Variants in ABL2 observed in about 807,000 individuals in gnomAD.
ABL2 encodes tyrosine-protein kinase ABL2.
ABL2 carries 49 observed loss-of-function variants against 107.7 expected under a neutral mutation model. The observed-to-expected ratio is 0.45, with a 90% CI of 0.36 to 0.58. The LOEUF (loss-of-function observed/expected upper bound fraction) is 0.58. Ranked by LOEUF, ABL2 falls within the 20% of genes least tolerant of loss-of-function variation. The pLI is 0.00. For missense variants in ABL2, 1,245 were observed against 1,457.0 expected (o/e 0.85, Z 2.37); for synonymous variants, 549 against 548.6 (o/e 1.00, Z -0.01).
At chr1:179,227,748 C>T (rs560402983) in intron 1 of ABL2, among the ~76,000 whole-genome samples, 2 of 152,228 alleles carry the variant, frequency 1.3e-5, no homozygotes, top group South Asian at 4.1e-4. Flanking sequence ...GACACTCAAG[C>T]ACATCTTCAA....
chr1:179,160,153 T>C (rs1459090009), intron 1 of ABL2, among the ~76,000 whole-genome samples: 1 of 152,136 alleles, frequency 6.6e-6, no homozygotes, highest in East Asian at 1.9e-4. Context: ...GTATTTTATA[T>C]AACTTGTATA....
intron 1 of ABL2, among the ~76,000 whole-genome samples, chr1:179,168,844 A>G (rs939628132): frequency 6.6e-6 from 1 of 152,232 alleles, no homozygotes; most frequent in Non-Finnish European, 1.5e-5. Context: ...ATGACTTCGT[A>G]GTCCAATTTC....
chr1:179,152,777 A>C (rs901921794), intron 1 of ABL2, among the ~76,000 whole-genome samples: 1 of 152,216 alleles, frequency 6.6e-6, no homozygotes, highest in Non-Finnish European at 1.5e-5. Flanking sequence ...AGAATAACTA[A>C]AAGTCTGCTG....
intron 1 of ABL2, among the ~76,000 whole-genome samples, chr1:179,168,813 T>C (rs977637607): frequency 6.6e-6 from 1 of 152,222 alleles, no homozygotes; most frequent in Non-Finnish European, 1.5e-5. Flanking sequence ...ATAAGGACAC[T>C]GCTATATGAC....
At chr1:179,185,397 A>G (rs1221597325) in intron 1 of ABL2, among the ~76,000 whole-genome samples, 1 of 152,130 alleles carries the variant, frequency 6.6e-6, no homozygotes, top group East Asian at 1.9e-4. Flanking sequence ...AACCTGTAGT[A>G]TCTTATGTGG....
At chr1:179,117,302 GAC>G in intron 8 of ABL2, 28 bp downstream of exon 8, 1 of 1,595,496 alleles carries the variant, frequency 6.3e-7, no homozygotes, top group Non-Finnish European at 8.6e-7. Flanking sequence ...AAAATAAAAT[GAC>G]ACAGAAAAAA....
chr1:179,202,330 G>A (rs988367005), intron 1 of ABL2, among the ~76,000 whole-genome samples: 3 of 152,086 alleles, frequency 2.0e-5, no homozygotes, highest in Non-Finnish European at 4.4e-5. Flanking sequence ...CTAAAAACTA[G>A]TCAGGAAACC....
chr1:179,173,203 A>C (rs1192377308), intron 1 of ABL2, among the ~76,000 whole-genome samples: 1 of 150,320 alleles, frequency 6.7e-6, no homozygotes, highest in Non-Finnish European at 1.5e-5. Flanking sequence ...AAAAAAAAAA[A>C]CAACAACAGA....
chr1:179,226,402 G>A (rs1443762405), intron 1 of ABL2, among the ~76,000 whole-genome samples: 2 of 146,738 alleles, frequency 1.4e-5, no homozygotes, highest in African/African-American at 5.1e-5. Context: ...TCCACCTCCC[G>A]GGTTCAAGCG....
At chr1:179,151,516 A>G (rs953677770) in intron 1 of ABL2, among the ~76,000 whole-genome samples, 4 of 152,210 alleles carry the variant, frequency 2.6e-5, no homozygotes, top group African/African-American at 9.6e-5. Context: ...TTCTGTAGGT[A>G]CAGAATCAAT....
intron 1 of ABL2, among the ~76,000 whole-genome samples, chr1:179,214,050 G>C (rs1324183962): frequency 6.6e-6 from 1 of 152,038 alleles, no homozygotes. Flanking sequence ...ACTCAAGATG[G>C]ACATACAAAA....
intron 1 of ABL2, among the ~76,000 whole-genome samples, chr1:179,145,990 T>C (rs1657962718): frequency 6.6e-6 from 1 of 150,984 alleles, no homozygotes; most frequent in Non-Finnish European, 1.5e-5. Flanking sequence ...ACCTCCCAGG[T>C]TCAAGCGATT....
chr1:179,115,036 T>C lies in ABL2; in HGVS notation c.1409-6A>G, dbSNP rs562016675. On this transcript the variant is annotated splice_region_variant and splice_polypyrimidine_tract_variant and intron_variant, in intron 8 of 11. Coordinates refer to ENST00000502732, the MANE Select transcript of ABL2 (RefSeq NM_007314.4). ...CCACAACAATACCCCAAAAGCTGCA[T>C]AAGGAATTAAAAAAAGCACTTAGTG... is the stretch of plus-strand genomic sequence containing the variant. The C allele has an allele frequency of 1.9e-6, 3 of 1,583,028 alleles. No homozygotes were observed. Among genetic ancestry groups the C allele is most frequent in the East Asian group, 4.5e-5 (2 of 44,460 alleles).
At chr1:179,170,509 C>T (rs1329231802) in intron 1 of ABL2, among the ~76,000 whole-genome samples, 3 of 151,960 alleles carry the variant, frequency 2.0e-5, no homozygotes, top group East Asian at 3.9e-4. Flanking sequence ...CTCTGCCTCC[C>T]GTGTTAAAGC....
intron 1 of ABL2, among the ~76,000 whole-genome samples, chr1:179,216,290 G>A (rs905610050): frequency 6.6e-6 from 1 of 152,190 alleles, no homozygotes; most frequent in Non-Finnish European, 1.5e-5. Flanking sequence ...ATTTATCCAT[G>A]AATTTGAGTG....
intron 5 of ABL2, among the ~76,000 whole-genome samples, chr1:179,121,147 T>C (rs972479799): frequency 5.9e-5 from 9 of 152,130 alleles, no homozygotes; most frequent in African/African-American, 1.9e-4. Flanking sequence ...CATATAGTAG[T>C]ACTACGAAAA....
intron 1 of ABL2, among the ~76,000 whole-genome samples, chr1:179,159,577 TG>T (rs1285313453): frequency 6.6e-6 from 1 of 152,224 alleles, no homozygotes; most frequent in Non-Finnish European, 1.5e-5. Flanking sequence ...CGTTTTTGGT[TG>T]TTTTTGCAAC....
chr1:179,147,277 G>T (rs1403476706), intron 1 of ABL2, among the ~76,000 whole-genome samples: 1 of 147,410 alleles, frequency 6.8e-6, no homozygotes, highest in Non-Finnish European at 1.5e-5. Context: ...ATGTAAGTTA[G>T]CACAACCTCT....
chr1:179,175,931 C>T (rs1660017606), intron 1 of ABL2, among the ~76,000 whole-genome samples: 1 of 150,268 alleles, frequency 6.7e-6, no homozygotes, highest in Admixed American at 6.7e-5. Context: ...TCTTGGCTCA[C>T]TACAACCTCT....
Sources: allele counts gnomAD v4.1 joint callset (sites outside exome capture counted in the v4.1 genomes callset), GRCh38; gene constraint gnomAD v4.1.1; transcripts MANE v1.5; gene names NCBI Gene and HGNC (gene_info 2026-07-23, HGNC 2026-07-21).